The following AFP variants were observed in gnomAD, a reference collection of about 807,000 sequenced individuals.
The protein encoded by AFP is alpha-fetoprotein.
AFP carries 64 observed loss-of-function variants against 78.9 expected under a neutral mutation model. That is an observed-to-expected ratio of 0.81 (90% CI 0.66 to 1.00). AFP has a LOEUF of 1.00. Ranked by LOEUF, AFP falls within the 50% of genes least tolerant of loss-of-function variation. AFP has a pLI of 0.00. For missense variants in AFP, 689 were observed against 703.8 expected (o/e 0.98, Z 0.24); for synonymous variants, 254 against 243.8 (o/e 1.04, Z -0.39).
At position 73,443,461 on chromosome 4, in the gene AFP, T is replaced by A. The variant is rs1279359491; in HGVS notation, c.713+17T>A. ...CCAAGCCATGTAAGTTCAAGTTCTATCTAGGGAAGAGGGTGAGAGCTACAG... is the reference window on the plus strand; with the variant it reads ...CCAAGCCATGTAAGTTCAAGTTCTAACTAGGGAAGAGGGTGAGAGCTACAG... On this transcript the variant is annotated intron_variant, in intron 6 of 14. Transcript: ENST00000395792. 2 of 1,572,444 alleles carry A rather than the reference T, an allele frequency of 1.3e-6. No homozygotes were observed.
rs1720139551 is a variant in AFP, at chr4:73,455,651, GTCTT to G, written c.*34_*37del. On this transcript the variant is annotated 3_prime_UTR_variant, in exon 15 of 15. Transcript: ENST00000395792. Reference sequence around the variant, plus strand: ...TGCAGGGGAAGAGAAGACAAAACGAGTCTTTCATTCGGTGTGAACTTTTCTCTTT... The same window carrying G: ...TGCAGGGGAAGAGAAGACAAAACGAGTCATTCGGTGTGAACTTTTCTCTTT... 1 of 695,570 alleles carries G rather than the reference GTCTT, an allele frequency of 1.4e-6. No homozygotes were observed. The highest frequency in any genetic ancestry group is 1.5e-5 in the South Asian group (1 of 64,954). The allele number at this position is 695,570 out of a possible 1,614,324, so 43.1% of individuals were successfully genotyped here.
At chr4:73,444,960 G>T (rs1247733312) in intron 6 of AFP, 33 bp from the exon 7 acceptor site, 4 of 1,562,024 alleles carry the variant, frequency 2.6e-6, no homozygotes, top group African/African-American at 1.4e-5. Context: ...AGATAACCAA[G>T]AAATTAATTT....
At chr4:73,449,541 GAAAGCCTCTAGTTTTC>G in intron 9 of AFP, 74 bp downstream of exon 9, 1 of 1,562,176 alleles carries the variant, frequency 6.4e-7, no homozygotes. Context: ...CTGTTTGTTT[GAAAGCCTCTAGTTTTC>G]AACTAGTTGT....
intron 12 of AFP, among the ~76,000 whole-genome samples, chr4:73,453,123 G>A (rs1188068165): frequency 6.6e-6 from 1 of 152,202 alleles, no homozygotes; most frequent in Non-Finnish European, 1.5e-5. Flanking sequence ...GGTCATGCAA[G>A]TCAATGGAGC....
chr4:73,441,150 C>T (rs556927263), intron 4 of AFP, among the ~76,000 whole-genome samples: 6 of 151,948 alleles, frequency 3.9e-5, no homozygotes, highest in Non-Finnish European at 8.8e-5. Flanking sequence ...CAAATTGATG[C>T]TTTCCAGAGC....
At position 73,442,373 on chromosome 4, in the gene AFP, A is replaced by G. The variant is rs1430904634; in HGVS notation, c.560A>G (p.Lys187Arg). 6.2e-7 allele frequency: 1 copy of G among 1,614,106 alleles called. No individual in the cohort carries two copies. Among genetic ancestry groups the G allele is most frequent in the Non-Finnish European group, 8.5e-7 (1 of 1,179,976 alleles). The change falls in exon 5 of 15, where the codon AAA (lysine) becomes AGA (arginine). Residue 187 changes from lysine to arginine, a missense_variant. Coordinates refer to ENST00000395792, the MANE Select transcript of AFP (RefSeq NM_001134.3). ...TILLWAARYD[K>R]IIPSCCKAEN... ...CTTCTTTGGGCTGCTCGCTATGACA[A>G]AATAATTCCATCTTGCTGCAAAGCT...
chr4:73,449,411 G>C lies in AFP; in HGVS notation c.1135G>C (p.Glu379Gln). The C allele has an allele frequency of 6.2e-7, 1 of 1,613,564 alleles. No individual in the cohort carries two copies. The highest frequency in any genetic ancestry group is 8.5e-7 in the Non-Finnish European group (1 of 1,179,644). The part of the protein sequence containing the change: ...VILRVAKGYQ[E>Q]LLEKCFQTEN... ...TCTAAGAGTTGCTAAAGGATACCAGGAGTTATTGGAGAAGTGTTTCCAGAC... is the reference window on the plus strand; with the variant it reads ...TCTAAGAGTTGCTAAAGGATACCAGCAGTTATTGGAGAAGTGTTTCCAGAC... The change falls in exon 9 of 15, where the codon GAG becomes CAG. Residue 379 changes from glutamate (E) to glutamine (Q), a missense_variant. By Grantham distance (29) the Glu-to-Gln change is conservative (BLOSUM62 2). Coordinates refer to ENST00000395792, the MANE Select transcript of AFP (RefSeq NM_001134.3).
In AFP at chr4:73,447,501, C is replaced by G; in HGVS notation, c.883C>G (p.Leu295Val). The change falls in exon 8 of 15, where the codon CTG (leucine) becomes GTG (valine). Residue 295 changes from leucine to valine, a missense_variant. Physicochemically the swap from Leu to Val is conservative, Grantham distance 32. Transcript: ENST00000395792. ...MSYICSQQDT[L>V]SNKITECCKL... is the part of the protein sequence containing the mutation. ...CTACATATGTTCTCAACAAGACACT[C>G]TGTCAAACAAAATAACAGAATGCTG... 2.5e-6 allele frequency: 4 copies of G among 1,612,010 alleles called. No homozygotes were observed. The highest frequency in any genetic ancestry group is 3.4e-6 in the Non-Finnish European group (4 of 1,179,260).
intron 11 of AFP, among the ~76,000 whole-genome samples, chr4:73,451,240 G>C (rs577444723): frequency 1.3e-5 from 2 of 152,138 alleles, no homozygotes; most frequent in African/African-American, 2.4e-5. Context: ...CCCTTTCGCA[G>C]GGTATAGGGT....
rs1577961394 is a variant in AFP at position 73,455,576 on chromosome 4, C to A, written c.*11-55C>A. The A allele has an allele frequency of 1.9e-5, 13 of 672,130 alleles. 1 individual carries two copies. Among genetic ancestry groups the A allele is most frequent in the Admixed American group, 1.0e-4 (4 of 39,628 alleles). The allele number at this position is 672,130 out of a possible 1,614,324, so 41.6% of individuals were successfully genotyped here. Reference sequence around the variant, plus strand: ...TGATATAAAATAATAGAACCAGTTACTTACTGCACCTATTAGTTTAATTAG... The same window carrying A: ...TGATATAAAATAATAGAACCAGTTAATTACTGCACCTATTAGTTTAATTAG... On this transcript the variant is annotated intron_variant, in intron 14 of 14. Transcript: ENST00000395792.
At chr4:73,444,075 G>A (rs967450336) in intron 6 of AFP, among the ~76,000 whole-genome samples, 4 of 152,050 alleles carry the variant, frequency 2.6e-5, no homozygotes, top group African/African-American at 7.2e-5. Context: ...GAGTTTATTT[G>A]ATTGCTGTTT....
At chr4:73,439,287 T>C (rs1719597013) in intron 3 of AFP, among the ~76,000 whole-genome samples, 2 of 152,140 alleles carry the variant, frequency 1.3e-5, no homozygotes, top group South Asian at 4.1e-4. Context: ...TGGGGTTAAT[T>C]AGGTGGCTGA....
intron 8 of AFP, 91 bp downstream of exon 8, chr4:73,447,767 G>T: frequency 9.0e-7 from 1 of 1,107,888 alleles, no homozygotes; most frequent in Non-Finnish European, 1.3e-6. Context: ...TGATGATTAT[G>T]GTTTTTGAGT....
At chr4:73,453,972 A>G in intron 13 of AFP, 75 bp downstream of exon 13, 1 of 1,549,698 alleles carries the variant, frequency 6.5e-7, no homozygotes, top group South Asian at 1.1e-5. Context: ...GGAAGACCCT[A>G]CAAATTTATA....
intron 5 of AFP, among the ~76,000 whole-genome samples, chr4:73,442,843 T>C (rs1719710242): frequency 6.6e-6 from 1 of 152,186 alleles, no homozygotes; most frequent in Admixed American, 6.5e-5. Flanking sequence ...GTAAGTATTT[T>C]TGTCCTTTAA....
intron 4 of AFP, among the ~76,000 whole-genome samples, chr4:73,441,567 CAAA>C (rs35201987): frequency 3.1e-5 from 3 of 96,024 alleles, no homozygotes; most frequent in Non-Finnish European, 5.8e-5. Context: ...GACTCCGTCT[CAAA>C]AAAAAAAAAA....
intron 6 of AFP, among the ~76,000 whole-genome samples, 171 bp from the exon 7 acceptor site, chr4:73,444,822 G>GA (rs1719769959): frequency 6.6e-6 from 1 of 152,156 alleles, no homozygotes; most frequent in Admixed American, 6.5e-5. Flanking sequence ...CTACCACCTT[G>GA]AAAGATATGG....
chr4:73,446,500 T>G (rs1719830717), intron 7 of AFP, among the ~76,000 whole-genome samples: 1 of 152,210 alleles, frequency 6.6e-6, no homozygotes, highest in Non-Finnish European at 1.5e-5. Context: ...ATGTAAGCTC[T>G]GCCTCTCTCT....
In AFP at chr4:73,448,241, C is replaced by T. The variant is rs527677308; in HGVS notation, c.1058+565C>T. ...AGTACAGTAGTTTGTTTTAATACAA[C>T]TGATAGGTCACGTTCTCACTCTATT... On this transcript the variant is annotated intron_variant, in intron 8 of 14. Coordinates refer to ENST00000395792, the MANE Select transcript of AFP (RefSeq NM_001134.3). Among the ~76,000 whole-genome samples the T allele has an allele frequency of 1.8e-3, 273 of 152,144 alleles. 1 individual carries two copies. The highest frequency in any genetic ancestry group is 6.0e-3 in the African/African-American group (248 of 41,544).
Sources: allele counts gnomAD v4.1 joint callset (sites outside exome capture counted in the v4.1 genomes callset), GRCh38; gene constraint gnomAD v4.1.1; transcripts MANE v1.5; gene names NCBI Gene and HGNC (gene_info 2026-07-23, HGNC 2026-07-21).